Variants in RPL4 observed in about 807,000 individuals in gnomAD.
The protein encoded by RPL4 is large ribosomal subunit protein uL4.
A neutral mutation model predicts 47.7 loss-of-function variants in RPL4; 3 were observed. The ratio of observed to expected loss-of-function variants is 0.06; its 90% confidence interval spans 0.03 to 0.16. RPL4 has a LOEUF of 0.16. RPL4 is among the 10% of genes least tolerant of loss of function. The pLI, the probability that RPL4 is intolerant of heterozygous loss-of-function variation, is 1.00. For missense variants in RPL4, 413 were observed against 551.3 expected (o/e 0.75, Z 2.51); for synonymous variants, 208 against 182.1 (o/e 1.14, Z -1.15).
chr15:66,499,776 C>T, intron 9 of RPL4, 124 bp from the exon 10 acceptor site: 1 of 1,363,102 alleles, frequency 7.3e-7, no homozygotes, highest in African/African-American at 1.5e-5. Context: ...GTAATCCCAG[C>T]ACTTTGGGAG....
chr15:66,501,573 T>A, intron 5 of RPL4, 69 bp from the exon 6 acceptor site: 1 of 1,595,310 alleles, frequency 6.3e-7, no homozygotes, highest in Admixed American at 1.7e-5. Flanking sequence ...AGAGTTTTAA[T>A]TCCTTTTTAC....
At chr15:66,502,939 C>T (rs1271935012) in intron 3 of RPL4, 119 bp downstream of exon 3, 113 of 1,287,648 alleles carry the variant, frequency 8.8e-5, no homozygotes, top group Non-Finnish European at 1.2e-4. Context: ...AAATGAAGCC[C>T]CTTCTCTTCA....
At chr15:66,501,960 G>GA (rs375557925) in intron 4 of RPL4, 48 bp from the exon 5 acceptor site, 111,070 of 994,706 alleles carry the variant, frequency 0.11, 1,410 homozygotes, top group African/African-American at 0.28. Flanking sequence ...AACTTTTGGA[G>GA]AAAAAAAAAA....
chr15:66,504,358 A>T (rs1893702970), intron 1 of RPL4, among the ~76,000 whole-genome samples: 1 of 152,234 alleles, frequency 6.6e-6, no homozygotes, highest in Non-Finnish European at 1.5e-5. Context: ...GTGGAAAAGC[A>T]GTACACATAT....
chr15:66,500,873 G>C, intron 7 of RPL4, 76 bp downstream of exon 7: 6 of 1,520,202 alleles, frequency 3.9e-6, no homozygotes, highest in Non-Finnish European at 5.4e-6. Context: ...AATAAATTTA[G>C]AAAACATGTA....
chr15:66,504,732 C>A (rs2140721627), intron 1 of RPL4, 56 bp downstream of exon 1: 2 of 1,605,012 alleles, frequency 1.2e-6, no homozygotes, highest in East Asian at 2.2e-5. Flanking sequence ...ACCCCAAATC[C>A]TTCCTTACTG....
chr15:66,499,226 C>A lies in RPL4; in HGVS notation c.*181G>T. On this transcript the variant is annotated 3_prime_UTR_variant, in exon 10 of 10. Coordinates refer to ENST00000307961, the MANE Select transcript of RPL4 (RefSeq NM_000968.4). ...TATAAATCCATGCCCCATTTTATAC[C>A]ACACTATATAAAATGTAACAGTCTA... is the stretch of plus-strand genomic sequence containing the variant. 3.0e-6 allele frequency: 2 copies of A among 675,116 alleles called. No homozygotes were observed. Among genetic ancestry groups the A allele is most frequent in the Non-Finnish European group, 4.9e-6 (2 of 404,126 alleles). 41.8% of individuals were successfully genotyped at this position (675,116 alleles called of 1,614,324 possible).
intron 1 of RPL4, 63 bp downstream of exon 1, chr15:66,504,725 C>A: frequency 6.2e-7 from 1 of 1,601,208 alleles, no homozygotes; most frequent in Non-Finnish European, 8.5e-7. Context: ...GCTCCGAACC[C>A]CAAATCCTTC....
intron 1 of RPL4, among the ~76,000 whole-genome samples, chr15:66,504,433 G>A (rs913355222): frequency 6.6e-6 from 1 of 152,180 alleles, no homozygotes; most frequent in African/African-American, 2.4e-5. Flanking sequence ...ACAATTTTTA[G>A]GCGAAGAGAA....
chr15:66,502,223 G>A (rs926329712), intron 4 of RPL4: 21 of 443,048 alleles, frequency 4.7e-5, no homozygotes, highest in Non-Finnish European at 7.5e-5. Context: ...TCAGATTTAA[G>A]TAGTCAGACC....
intron 3 of RPL4, 123 bp from the exon 4 acceptor site, chr15:66,502,873 T>A (rs780228236): frequency 6.7e-7 from 1 of 1,487,492 alleles, no homozygotes; most frequent in East Asian, 2.3e-5. Context: ...CAACTGTCGC[T>A]GAGAACAGAG....
intron 4 of RPL4, chr15:66,502,118 G>T: frequency 1.4e-6 from 1 of 735,372 alleles, no homozygotes; most frequent in Non-Finnish European, 2.4e-6. Flanking sequence ...CGATGGGTAC[G>T]CAACAGGCAA....
intron 6 of RPL4, 42 bp from the exon 7 acceptor site, chr15:66,501,147 AAAAG>A: frequency 6.2e-7 from 1 of 1,601,164 alleles, no homozygotes; most frequent in South Asian, 1.1e-5. Context: ...GTATTCCAAC[AAAAG>A]AAACACAAAT....
At chr15:66,500,856 A>C in intron 7 of RPL4, 93 bp downstream of exon 7, 1 of 1,439,324 alleles carries the variant, frequency 6.9e-7, no homozygotes, top group Non-Finnish European at 9.5e-7. Flanking sequence ...ACATAAGGGG[A>C]AATGGGAATA....
chr15:66,500,768 A>C, intron 7 of RPL4, 181 bp downstream of exon 7: 1 of 700,290 alleles, frequency 1.4e-6, no homozygotes, highest in Non-Finnish European at 2.4e-6. Flanking sequence ...GGTGAGACAG[A>C]ACAACTCTGT....
intron 7 of RPL4, 85 bp downstream of exon 7, chr15:66,500,864 A>C: frequency 1.4e-6 from 2 of 1,465,786 alleles, no homozygotes; most frequent in Non-Finnish European, 9.3e-7. Flanking sequence ...GGAAATGGGA[A>C]TAAATTTAGA....
chr15:66,500,376 A>C lies in RPL4; in HGVS notation c.834T>G (p.Asn278Lys). Residue 278 changes from asparagine (N) to lysine (K), a missense_variant and splice_region_variant, in exon 8 of 10, where the codon AAT becomes AAG. Coordinates refer to ENST00000307961, the MANE Select transcript of RPL4 (RefSeq NM_000968.4). ...RKAASLKSNY[N>K]LPMHKMINTD... is the part of the protein sequence containing the mutation. ...TATTAATCATCTTGTGCATGGGAAGACTGAAAGGGAAAAGATTGACATGTA... is the reference window on the plus strand; with the variant it reads ...TATTAATCATCTTGTGCATGGGAAGCCTGAAAGGGAAAAGATTGACATGTA... The C allele has an allele frequency of 6.2e-7, 1 of 1,613,296 alleles. No individual in the cohort carries two copies. The highest frequency in any genetic ancestry group is 8.5e-7 in the Non-Finnish European group (1 of 1,179,422).
At chr15:66,500,497 C>T in intron 7 of RPL4, 121 bp from the exon 8 acceptor site, 1 of 862,456 alleles carries the variant, frequency 1.2e-6, no homozygotes, top group Non-Finnish European at 1.9e-6. Flanking sequence ...TATCACTTCT[C>T]ATAAACATGG....
At chr15:66,504,573 GC>G (rs139436991) in intron 1 of RPL4, among the ~76,000 whole-genome samples, 42,285 of 151,978 alleles carry the variant, frequency 0.28, 6,502 homozygotes, top group South Asian at 0.37. Context: ...TTCCACTACT[GC>G]TTCCCGGCGC....
Sources: allele counts gnomAD v4.1 joint callset (sites outside exome capture counted in the v4.1 genomes callset), GRCh38; gene constraint gnomAD v4.1.1; transcripts MANE v1.5; gene names NCBI Gene and HGNC (gene_info 2026-07-23, HGNC 2026-07-21).